Variants in ITGA4 observed in about 807,000 individuals in gnomAD.
ITGA4 encodes integrin alpha-4.
Under a neutral mutation model 133.6 loss-of-function variants are expected in ITGA4, and 63 were observed. The ratio of observed to expected loss-of-function variants is 0.47; its 90% CI spans 0.38 to 0.58. The LOEUF (loss-of-function observed/expected upper bound fraction) is 0.58, where lower values mean the gene tolerates loss of function less well. Among genes scored for constraint, ITGA4 ranks in the 20% least tolerant of loss-of-function variants. The probability of loss-of-function intolerance (pLI) is 0.00; values close to 1 mark genes in which losing one functional copy is unlikely to be tolerated. For missense variants in ITGA4, 1,076 were observed against 1,252.7 expected (o/e 0.86, Z 2.13); for synonymous variants, 483 against 438.0 (o/e 1.10, Z -1.28).
chr2:181,524,938 C>A, intron 20 of ITGA4, among the ~76,000 whole-genome samples: 1 of 149,672 alleles, frequency 6.7e-6, no homozygotes. Context: ...ATCTTTTAAT[C>A]TAATAAATGT....
At chr2:181,475,096 T>C (rs202180944) in intron 3 of ITGA4, 30 bp downstream of exon 3, 86 of 1,612,796 alleles carry the variant, frequency 5.3e-5, no homozygotes, top group Non-Finnish European at 6.4e-5. Context: ...CACAGATCCA[T>C]CGTGAAATCA....
chr2:181,486,121 TTC>T (rs1559043862), intron 10 of ITGA4, 129 bp downstream of exon 10: 3 of 1,262,006 alleles, frequency 2.4e-6, no homozygotes, highest in Non-Finnish European at 3.2e-6. Context: ...GCTAAGTTTT[TTC>T]TTTTCTTTAG....
intron 2 of ITGA4, among the ~76,000 whole-genome samples, chr2:181,463,171 T>C (rs976449765): frequency 6.6e-6 from 1 of 152,146 alleles, no homozygotes; most frequent in African/African-American, 2.4e-5. Flanking sequence ...CTGAAGTCTT[T>C]GAGAGCACGA....
chr2:181,481,879 A>G (rs1330904353), intron 7 of ITGA4, among the ~76,000 whole-genome samples, 196 bp downstream of exon 7: 2 of 152,232 alleles, frequency 1.3e-5, no homozygotes, highest in African/African-American at 4.8e-5. Flanking sequence ...CTGAAAAATT[A>G]CAAAAGTCAA....
At chr2:181,474,324 GT>G (rs1451777275) in intron 2 of ITGA4, among the ~76,000 whole-genome samples, 1 of 152,138 alleles carries the variant, frequency 6.6e-6, no homozygotes, top group Non-Finnish European at 1.5e-5. Context: ...ATCTATTGAA[GT>G]TTTTTGTTTA....
chr2:181,478,447 A>G (rs1685731034), intron 4 of ITGA4, among the ~76,000 whole-genome samples: 1 of 152,100 alleles, frequency 6.6e-6, no homozygotes, highest in East Asian at 1.9e-4. Flanking sequence ...AGATATACAC[A>G]GTAAAAAGAA....
In ITGA4 at chr2:181,516,007, A is replaced by G. The variant is rs1460139622; in HGVS notation, c.1922+4232A>G. Among the ~76,000 whole-genome samples the G allele has an allele frequency of 1.5e-4, 1 of 6,498 alleles. No homozygotes were observed. The highest frequency in any genetic ancestry group is 3.7e-3 in the Admixed American group (1 of 272). The allele number at this position is 6,498 out of a possible 152,430, so 4.3% of individuals were successfully genotyped here. A position where few individuals can be genotyped will look rare whatever the true frequency, so the allele number is the denominator to read the frequency against. Reference sequence around the variant, plus strand: ...AAACAGTGCTTATCCACTCTCTCTCATCTCTTAAGTTGAGGCTTCCTCCTG... The same window carrying G: ...AAACAGTGCTTATCCACTCTCTCTCGTCTCTTAAGTTGAGGCTTCCTCCTG... On this transcript the variant is annotated intron_variant, in intron 17 of 27. Transcript: ENST00000397033. The surrounding 1 kb of genome is among the most constrained non-coding windows in gnomAD (Gnocchi z 4.0).
In ITGA4 at chr2:181,523,260, A is replaced by G. The variant is rs531389127; in HGVS notation, c.2074-177A>G. 1.0e-4 allele frequency: 52 copies of G among 522,426 alleles called. No homozygotes were observed. The highest frequency in any genetic ancestry group is 8.8e-4 in the African/African-American group (46 of 52,046). The allele number at this position is 522,426 out of a possible 1,614,324, so 32.4% of individuals were successfully genotyped here. The stretch of plus-strand genomic sequence containing the variant: ...TATATACACATACATATATACACAC[A>G]TGCACACATATTTATATCATATGTC... On this transcript the variant is annotated intron_variant, in intron 18 of 27. Coordinates refer to ENST00000397033, the MANE Select transcript of ITGA4 (RefSeq NM_000885.6). This position sits in a 1 kb window ranked among gnomAD's most constrained non-coding sequence, Gnocchi z 4.2.
In ITGA4 at chr2:181,498,695, A is replaced by G; in HGVS notation, c.1613A>G (p.Asn538Ser). 3 of 1,612,528 alleles carry G rather than the reference A, an allele frequency of 1.9e-6. No homozygotes were observed. Among genetic ancestry groups the G allele is most frequent in the Non-Finnish European group, 2.5e-6 (3 of 1,178,824 alleles). Residue 538 changes from asparagine (N) to serine (S), a missense_variant, in exon 15 of 28, where the codon AAT becomes AGT. Asn to Ser is a conservative substitution (Grantham distance 46). Around this residue, in one of 4 missense-constraint regions of ITGA4, gnomAD observed 365 missense variants for 421.4 expected, o/e 0.87. Coordinates refer to ENST00000397033, the MANE Select transcript of ITGA4 (RefSeq NM_000885.6). ...CCACCAAGATTCTATTTCTCTTCTA[A>G]TGGAACTTCTGACGTGATTACAGGA... ...ESPPRFYFSSNGTSDVITGSI... is the reference protein window; with the variant it reads ...ESPPRFYFSSSGTSDVITGSI...
rs150363748 is a variant in ITGA4, at chr2:181,518,689, T to C, written c.1923-3502T>C. Among the ~76,000 whole-genome samples the C allele has an allele frequency of 3.0e-3, 451 of 152,208 alleles. 2 individuals are homozygous for C. Among genetic ancestry groups the C allele is most frequent in the African/African-American group, 0.011 (441 of 41,568 alleles). Reference sequence around the variant, plus strand: ...TCACTGCAGTGCAAAAGCATGTCTGTGTTCTCATAGAGCTTTATTTACTAA... The same window carrying C: ...TCACTGCAGTGCAAAAGCATGTCTGCGTTCTCATAGAGCTTTATTTACTAA... On this transcript the variant is annotated intron_variant, in intron 17 of 27. Transcript: ENST00000397033.
chr2:181,478,894 G>A, intron 5 of ITGA4, 70 bp downstream of exon 5: 5 of 740,158 alleles, frequency 6.8e-6, no homozygotes, highest in Non-Finnish European at 1.0e-5. Flanking sequence ...TGGTTTGGAA[G>A]ACTGATATGT....
chr2:181,490,958 A>G (rs1449675230), intron 10 of ITGA4, among the ~76,000 whole-genome samples: 2 of 152,216 alleles, frequency 1.3e-5, no homozygotes, highest in African/African-American at 4.8e-5. Flanking sequence ...TTGTGTCCCA[A>G]ATTAAGTTGC....
chr2:181,469,629 C>T lies in ITGA4; in HGVS notation c.320-5331C>T, dbSNP rs568820821. Among the ~76,000 whole-genome samples, 44 of 152,202 alleles carry T rather than the reference C, an allele frequency of 2.9e-4. 1 individual carries two copies. In the East Asian group the frequency reaches 6.6e-3, roughly 23 times the overall value. ...GACACATTCACATGTATGTTTATTGCGGCACTATTCTCAATAGCAAAGACT... is the reference window on the plus strand; with the variant it reads ...GACACATTCACATGTATGTTTATTGTGGCACTATTCTCAATAGCAAAGACT... On this transcript the variant is annotated intron_variant, in intron 2 of 27. Coordinates refer to ENST00000397033, the MANE Select transcript of ITGA4 (RefSeq NM_000885.6).
At chr2:181,481,945 A>C (rs555255111) in intron 7 of ITGA4, among the ~76,000 whole-genome samples, 2 of 152,310 alleles carry the variant, frequency 1.3e-5, no homozygotes, top group Non-Finnish European at 2.9e-5. Flanking sequence ...ATGTCCAGGG[A>C]GTATATGGTG....
At chr2:181,477,575 C>CA (rs1179692703) in intron 4 of ITGA4, among the ~76,000 whole-genome samples, 1 of 151,900 alleles carries the variant, frequency 6.6e-6, no homozygotes, top group African/African-American at 2.4e-5. Flanking sequence ...TCAAAATGGC[C>CA]AATAAGTAGA....
chr2:181,480,269 A>G lies in ITGA4; in HGVS notation c.754+3A>G. The G allele has an allele frequency of 7.2e-7, 1 of 1,397,694 alleles. No individual in the cohort carries two copies. The highest frequency in any genetic ancestry group is 1.5e-5 in the South Asian group (1 of 66,536). 86.6% of individuals were successfully genotyped at this position (1,397,694 alleles called of 1,614,324 possible). A position where few individuals can be genotyped will look rare whatever the true frequency, so the allele number is the denominator to read the frequency against. ...AGTAAAATTTGGAAGTTATTTAGGT[A>G]CTATAAAAATTGACAAACTTAAATG... On this transcript the variant is annotated splice_donor_region_variant and intron_variant, in intron 6 of 27. Coordinates refer to ENST00000397033, the MANE Select transcript of ITGA4 (RefSeq NM_000885.6).
intron 21 of ITGA4, among the ~76,000 whole-genome samples, chr2:181,525,846 A>G (rs1327517431): frequency 6.6e-6 from 1 of 152,194 alleles, no homozygotes. Flanking sequence ...GATTGAGTGG[A>G]TCCCCCTCTC....
chr2:181,494,073 A>T (rs1310357997), intron 11 of ITGA4, among the ~76,000 whole-genome samples: 1 of 152,214 alleles, frequency 6.6e-6, no homozygotes, highest in African/African-American at 2.4e-5. Context: ...GTATTTGTCT[A>T]GTAAAAAAAC....
chr2:181,513,045 A>G (rs1387769731), intron 17 of ITGA4, among the ~76,000 whole-genome samples: 1 of 151,978 alleles, frequency 6.6e-6, no homozygotes, highest in African/African-American at 2.4e-5. Flanking sequence ...CCTCTTTTGA[A>G]TGTCTTATCC....
Sources: gnomAD v4.1 joint callset for allele counts (sites outside exome capture counted in the v4.1 genomes callset) on GRCh38, gnomAD v4.1.1 for gene constraint, gnomAD v4.1.1 regional missense constraint, Gnocchi (gnomAD v3.1) non-coding constraint, MANE v1.5 for transcripts, NCBI Gene and HGNC (gene_info 2026-07-23, HGNC 2026-07-21) for gene names.